The following ITIH5 variants were observed in gnomAD, a reference collection of about 807,000 sequenced individuals.
ITIH5 encodes inter-alpha-trypsin inhibitor heavy chain H5.
A neutral mutation model predicts 77.5 loss-of-function variants in ITIH5; 65 were observed. That is an observed-to-expected ratio of 0.84 (90% confidence interval 0.69 to 1.03). ITIH5 has a LOEUF of 1.03. Ranked by LOEUF, ITIH5 falls within the 50% of genes least tolerant of loss-of-function variation. The pLI, the probability that ITIH5 is intolerant of heterozygous loss-of-function variation, is 0.00. For synonymous variants in ITIH5, 525 were observed against 494.3 expected (o/e 1.06, Z -0.82); for missense variants, 1,208 against 1,213.1 (o/e 1.00, Z 0.06).
At position 7,640,734 on chromosome 10, in the gene ITIH5, CTTAA is replaced by C. The variant is rs1833871653; in HGVS notation, c.401+16_401+19del. 1.3e-6 allele frequency: 2 copies of C among 1,537,984 alleles called. No individual in the cohort carries two copies. The highest frequency in any genetic ancestry group is 1.8e-6 in the Non-Finnish European group (2 of 1,113,326). ...CTTTGCTAAAATGGGTTTTTAATTC[CTTAA>C]TTAACCAATACTTACCCATTTTCTT... On this transcript the variant is annotated intron_variant, in intron 4 of 13. Coordinates refer to ENST00000397146, the MANE Select transcript of ITIH5 (RefSeq NM_030569.7).
intron 7 of ITIH5, among the ~76,000 whole-genome samples, chr10:7,591,976 T>G (rs1832801579): frequency 6.6e-6 from 1 of 152,198 alleles, no homozygotes; most frequent in South Asian, 2.1e-4. Context: ...GTTCAAGCAA[T>G]TCTCCCGCCT....
chr10:7,564,081 C>T (rs914216305), intron 13 of ITIH5, among the ~76,000 whole-genome samples: 17 of 152,348 alleles, frequency 1.1e-4, no homozygotes, highest in African/African-American at 3.8e-4. Context: ...GTGGGTGCCC[C>T]CCCGGTGGGG....
chr10:7,580,687 A>T (rs561382924), intron 8 of ITIH5, among the ~76,000 whole-genome samples: 62 of 152,294 alleles, frequency 4.1e-4, no homozygotes, highest in African/African-American at 1.4e-3. Flanking sequence ...GACAGCAGGA[A>T]TGTGGAGGGA....
chr10:7,645,487 C>T (rs1372965851), intron 2 of ITIH5, among the ~76,000 whole-genome samples: 1 of 152,182 alleles, frequency 6.6e-6, no homozygotes, highest in Admixed American at 6.5e-5. Context: ...CCCTTCAGGT[C>T]ATTCTAATGC....
chr10:7,585,767 C>G lies in ITIH5; in HGVS notation c.1108+134G>C, dbSNP rs960251723. Reference sequence around the variant, plus strand: ...AGCAACCTAAGCTGCTGAGAAAGCTCTCGCCTGCAGTCTCCCTTCCTGCCA... The same window carrying G: ...AGCAACCTAAGCTGCTGAGAAAGCTGTCGCCTGCAGTCTCCCTTCCTGCCA... On this transcript the variant is annotated intron_variant, in intron 8 of 13. Coordinates refer to ENST00000397146, the MANE Select transcript of ITIH5 (RefSeq NM_030569.7). The G allele has an allele frequency of 1.1e-5, 8 of 717,724 alleles. No homozygotes were observed. The Admixed American group carries it at 2.1e-4, about 19-fold the overall frequency. The allele number at this position is 717,724 out of a possible 1,614,324, so 44.5% of individuals were successfully genotyped here. A position where few individuals can be genotyped will look rare whatever the true frequency, so the allele number is the denominator to read the frequency against.
At chr10:7,664,241 A>C (rs1834324477) in intron 1 of ITIH5, among the ~76,000 whole-genome samples, 1 of 151,950 alleles carries the variant, frequency 6.6e-6, no homozygotes, top group South Asian at 2.1e-4. Context: ...CTCTATTAAA[A>C]ATACAAAAAT....
chr10:7,662,086 G>A (rs957679765), intron 1 of ITIH5, among the ~76,000 whole-genome samples: 10 of 152,112 alleles, frequency 6.6e-5, no homozygotes, highest in African/African-American at 1.9e-4. Context: ...GGTGGGGTGC[G>A]GTGGCTCAAG....
In ITIH5 at chr10:7,561,018, G is replaced by A. The variant is rs1232669169; in HGVS notation, c.*2065C>T. The A allele has an allele frequency of 7.8e-6, 1 of 128,842 alleles. No homozygotes were observed. The highest frequency in any genetic ancestry group is 1.6e-5 in the Non-Finnish European group (1 of 62,490). The allele number at this position is 128,842 out of a possible 1,614,324, so 8.0% of individuals were successfully genotyped here. A position where few individuals can be genotyped will look rare whatever the true frequency, so the allele number is the denominator to read the frequency against. On this transcript the variant is annotated 3_prime_UTR_variant, in exon 14 of 14. Coordinates refer to ENST00000397146, the MANE Select transcript of ITIH5 (RefSeq NM_030569.7). The stretch of plus-strand genomic sequence containing the variant: ...AACTATAAGCTTGGTATGGGGTTTC[G>A]GGCTTTCAGGTACTGACCCCATTTG...
chr10:7,609,359 C>T (rs779139333), intron 7 of ITIH5: 30 of 437,324 alleles, frequency 6.9e-5, no homozygotes, highest in Middle Eastern at 3.3e-4. Context: ...GTTGGGAATG[C>T]ATATTGTAAT....
rs1833215264 is a variant in ITIH5, at chr10:7,610,123, TA to T, written c.939+5858del. Among the ~76,000 whole-genome samples, 6 of 149,100 alleles carry T rather than the reference TA, an allele frequency of 4.0e-5. No homozygotes were observed. In the South Asian group the frequency reaches 1.3e-3, roughly 32 times the overall value. On this transcript the variant is annotated intron_variant, in intron 7 of 13. Coordinates refer to ENST00000397146, the MANE Select transcript of ITIH5 (RefSeq NM_030569.7). ...AGCTCCCATTCTCACCAAGAAGTTT[TA>T]GCTCAAACTGGGAGGTAGAAACCCT... is the stretch of plus-strand genomic sequence containing the variant.
chr10:7,632,520 C>T (rs897657244), intron 5 of ITIH5, among the ~76,000 whole-genome samples: 1 of 152,094 alleles, frequency 6.6e-6, no homozygotes, highest in African/African-American at 2.4e-5. Context: ...ATCATACAAC[C>T]ACACCTGTCA....
chr10:7,568,740 T>G (rs1398990545), intron 12 of ITIH5, among the ~76,000 whole-genome samples: 1 of 152,208 alleles, frequency 6.6e-6, no homozygotes, highest in Non-Finnish European at 1.5e-5. Flanking sequence ...GTTTGTTACC[T>G]GCATCGAACT....
chr10:7,633,536 A>G (rs1833745127), intron 5 of ITIH5, among the ~76,000 whole-genome samples: 1 of 152,238 alleles, frequency 6.6e-6, no homozygotes, highest in Non-Finnish European at 1.5e-5. Context: ...GGTTAAGGGT[A>G]TAACTTGGAA....
chr10:7,582,167 C>A (rs1041808621), intron 8 of ITIH5, among the ~76,000 whole-genome samples: 4 of 152,150 alleles, frequency 2.6e-5, no homozygotes, highest in Non-Finnish European at 4.4e-5. Flanking sequence ...GGCCACAGCA[C>A]CTGGCCCCAT....
intron 2 of ITIH5, among the ~76,000 whole-genome samples, chr10:7,649,682 C>T (rs775858371): frequency 4.6e-5 from 7 of 152,146 alleles, no homozygotes; most frequent in Non-Finnish European, 8.8e-5. Context: ...AGAAAGAACA[C>T]TCTAAGAACA....
Position 7,560,164 on chromosome 10 carries a change from A to G in ITIH5, c.*2919T>C, listed in dbSNP as rs1249414767. On this transcript the variant is annotated 3_prime_UTR_variant, in exon 14 of 14. Transcript: ENST00000397146. The stretch of plus-strand genomic sequence containing the variant: ...TGCACCTGGCCCCATGTCTCTTCTT[A>G]TAAGGGCCTTAATCCCATTCGTGAG... 1 of 217,766 alleles carries G rather than the reference A, an allele frequency of 4.6e-6. No individual in the cohort carries two copies. The highest frequency in any genetic ancestry group is 9.1e-6 in the Non-Finnish European group (1 of 110,324). The allele number at this position is 217,766 out of a possible 1,614,324, so 13.5% of individuals were successfully genotyped here. A position where few individuals can be genotyped will look rare whatever the true frequency, so the allele number is the denominator to read the frequency against.
chr10:7,603,676 C>T (rs374499550), intron 7 of ITIH5, among the ~76,000 whole-genome samples: 58 of 152,236 alleles, frequency 3.8e-4, no homozygotes, highest in East Asian at 1.5e-3. Context: ...CTCCGCCTCC[C>T]GGGTTCACAC....
chr10:7,650,546 C>T (rs1223555875), intron 2 of ITIH5, among the ~76,000 whole-genome samples: 1 of 152,036 alleles, frequency 6.6e-6, no homozygotes, highest in African/African-American at 2.4e-5. Context: ...ACCAGCCTGG[C>T]CAACATGGTG....
At chr10:7,603,530 G>A (rs1203374407) in intron 7 of ITIH5, among the ~76,000 whole-genome samples, 2 of 152,144 alleles carry the variant, frequency 1.3e-5, no homozygotes, top group Non-Finnish European at 2.9e-5. Context: ...GCTTTAAAAG[G>A]GTGGATGTTA....
Sources: allele counts gnomAD v4.1 joint callset (sites outside exome capture counted in the v4.1 genomes callset), GRCh38; gene constraint gnomAD v4.1.1; transcripts MANE v1.5; gene names NCBI Gene and HGNC (gene_info 2026-07-23, HGNC 2026-07-21).